Variants in ATG5 observed in about 807,000 individuals in gnomAD.
ATG5 encodes autophagy related 5, also known as autophagy protein 5.
Under a neutral mutation model 36.5 loss-of-function variants are expected in ATG5, and 14 were observed. The observed-to-expected ratio is 0.38, with a 90% confidence interval of 0.25 to 0.60. The LOEUF (loss-of-function observed/expected upper bound fraction) is 0.60. ATG5 is among the 20% of genes least tolerant of loss of function. ATG5 has a pLI of 0.60. For missense variants in ATG5, 195 were observed against 326.7 expected (o/e 0.60, Z 3.11); for synonymous variants, 95 against 101.5 (o/e 0.94, Z 0.38).
intron 3 of ATG5, among the ~76,000 whole-genome samples, chr6:106,297,206 G>A (rs1226344744): frequency 6.6e-6 from 1 of 151,900 alleles, no homozygotes; most frequent in Non-Finnish European, 1.5e-5. Flanking sequence ...ACAAAAACCT[G>A]GACCATTTCT....
At chr6:106,316,460 T>A (rs1024434672) in intron 1 of ATG5, among the ~76,000 whole-genome samples, 194 bp from the exon 2 acceptor site, 1 of 152,092 alleles carries the variant, frequency 6.6e-6, no homozygotes, top group African/African-American at 2.4e-5. Context: ...TTATTACTTA[T>A]GTAAAGGAAT....
At chr6:106,234,434 CTT>C (rs747907728) in intron 6 of ATG5, among the ~76,000 whole-genome samples, 4 of 152,170 alleles carry the variant, frequency 2.6e-5, no homozygotes, top group Admixed American at 1.3e-4. Context: ...AGTAGGACCT[CTT>C]GTTTCCAATC....
intron 6 of ATG5, among the ~76,000 whole-genome samples, chr6:106,205,686 C>CT (rs989885368): frequency 2.0e-5 from 3 of 151,902 alleles, no homozygotes; most frequent in Admixed American, 6.6e-5. Flanking sequence ...TTTTATATAT[C>CT]TTTTTTTTCA....
intron 6 of ATG5, among the ~76,000 whole-genome samples, chr6:106,236,464 A>G (rs1019721421): frequency 6.6e-6 from 1 of 152,194 alleles, no homozygotes; most frequent in African/African-American, 2.4e-5. Flanking sequence ...TATGAGAGTT[A>G]TATTTGCTCC....
At chr6:106,201,779 A>G in intron 7 of ATG5, 193 bp downstream of exon 7, 1 of 359,030 alleles carries the variant, frequency 2.8e-6, no homozygotes. Context: ...TCGCCAGTCG[A>G]GTCATCATTT....
intron 6 of ATG5, chr6:106,202,382 A>AT (rs1776465584): frequency 4.4e-6 from 1 of 226,166 alleles, no homozygotes; most frequent in Non-Finnish European, 8.7e-6. Flanking sequence ...ACACAAAAAG[A>AT]TATCAACAAA....
At chr6:106,280,638 GATA>G (rs1431063595) in intron 4 of ATG5, among the ~76,000 whole-genome samples, 3 of 152,108 alleles carry the variant, frequency 2.0e-5, no homozygotes, top group Admixed American at 6.5e-5. Flanking sequence ...CTGAAAAAAA[GATA>G]ATAACAGCTA....
intron 4 of ATG5, among the ~76,000 whole-genome samples, chr6:106,280,165 C>T (rs965013031): frequency 2.6e-5 from 4 of 151,144 alleles, no homozygotes; most frequent in Non-Finnish European, 5.9e-5. Flanking sequence ...ATAGTATAAC[C>T]ACTTTGGAAA....
intron 7 of ATG5, among the ~76,000 whole-genome samples, chr6:106,196,736 A>G (rs969036950): frequency 7.4e-5 from 11 of 148,882 alleles, no homozygotes; most frequent in Non-Finnish European, 1.5e-4. Flanking sequence ...AAAAAAAAAA[A>G]GTAGATTGAA....
chr6:106,223,785 T>C (rs1344329646), intron 6 of ATG5, among the ~76,000 whole-genome samples: 3 of 152,228 alleles, frequency 2.0e-5, no homozygotes, highest in Non-Finnish European at 4.4e-5. Flanking sequence ...CTCTATGATA[T>C]TATGTTTGCT....
intron 6 of ATG5, among the ~76,000 whole-genome samples, chr6:106,234,097 C>A (rs570274599): frequency 9.9e-4 from 150 of 152,140 alleles, no homozygotes; most frequent in Middle Eastern, 3.4e-3. Flanking sequence ...CTTACTTCAC[C>A]CATACTGGTA....
chr6:106,270,347 C>A (rs72945525), intron 5 of ATG5, among the ~76,000 whole-genome samples: 247 of 152,258 alleles, frequency 1.6e-3, no homozygotes, highest in Middle Eastern at 3.4e-3. Flanking sequence ...AACTTTCTCA[C>A]GAAGTTGTAG....
At chr6:106,223,267 A>G (rs1767792578) in intron 6 of ATG5, among the ~76,000 whole-genome samples, 1 of 152,204 alleles carries the variant, frequency 6.6e-6, no homozygotes, top group Non-Finnish European at 1.5e-5. Context: ...TAACATGACA[A>G]TTGTTTTAAA....
chr6:106,189,010 ACT>A (rs1775875801), intron 7 of ATG5, among the ~76,000 whole-genome samples: 1 of 152,098 alleles, frequency 6.6e-6, no homozygotes, highest in Admixed American at 6.5e-5. Flanking sequence ...CTTATTTGTT[ACT>A]CTGTCCCCAG....
At chr6:106,319,320 G>C (rs1052037110) in intron 1 of ATG5, among the ~76,000 whole-genome samples, 8 of 150,432 alleles carry the variant, frequency 5.3e-5, no homozygotes, top group African/African-American at 2.0e-4. Context: ...AACATAAGTA[G>C]TAATTATAGG....
intron 7 of ATG5, among the ~76,000 whole-genome samples, chr6:106,187,759 G>T (rs569599333): frequency 6.6e-6 from 1 of 152,272 alleles, no homozygotes; most frequent in South Asian, 2.1e-4. Flanking sequence ...GATGTATGGT[G>T]ATAATGACTT....
intron 2 of ATG5, among the ~76,000 whole-genome samples, chr6:106,308,700 G>C (rs978536061): frequency 6.6e-6 from 1 of 152,058 alleles, no homozygotes; most frequent in African/African-American, 2.4e-5. Context: ...TTTAAGCACA[G>C]CTTACCACAT....
intron 6 of ATG5, among the ~76,000 whole-genome samples, chr6:106,212,941 AATGAT>A (rs1449209406): frequency 6.6e-6 from 1 of 152,198 alleles, no homozygotes; most frequent in Non-Finnish European, 1.5e-5. Flanking sequence ...TAGGCACTAC[AATGAT>A]ATAAACAAAT....
rs150856339 is a variant in ATG5, at chr6:106,209,368, G to A, written c.574-7279C>T. 3.8e-3 allele frequency among the ~76,000 whole-genome samples: 585 copies of A among 152,222 alleles called. 3 individuals carry two copies. The highest frequency in any genetic ancestry group is 0.031 in the Middle Eastern group (9 of 294). ...AGCAATAAAAAGGAACAAACTACTG[G>A]TATATGCAACAACTTGGATAGATCT... On this transcript the variant is annotated intron_variant, in intron 6 of 7. Transcript: ENST00000369076.
Sources: allele counts gnomAD v4.1 joint callset (sites outside exome capture counted in the v4.1 genomes callset), GRCh38; gene constraint gnomAD v4.1.1; transcripts MANE v1.5; gene names NCBI Gene and HGNC (gene_info 2026-07-23, HGNC 2026-07-21).